The following ABCC4 variants were observed in gnomAD, a reference collection of about 807,000 sequenced individuals.
The protein encoded by ABCC4 is ATP-binding cassette sub-family C member 4.
ABCC4 carries 102 observed loss-of-function variants against 168.5 expected under a neutral mutation model. That is an observed-to-expected ratio of 0.61 (90% CI 0.52 to 0.71). The LOEUF (loss-of-function observed/expected upper bound fraction) is 0.71. Ranked by LOEUF, ABCC4 falls within the 30% of genes least tolerant of loss-of-function variation. The probability of loss-of-function intolerance (pLI) is 0.00; values close to 1 mark genes in which losing one functional copy is unlikely to be tolerated. For missense variants in ABCC4, 1,402 were observed against 1,605.8 expected, an observed-to-expected ratio of 0.87 and a Z score of 2.17; for synonymous variants, 617 against 590.7, an observed-to-expected ratio of 1.04 and a Z score of -0.65.
chr13:95,167,461 G>A (rs571421296), intron 14 of ABCC4, among the ~76,000 whole-genome samples: 2 of 152,284 alleles, frequency 1.3e-5, no homozygotes, highest in South Asian at 4.1e-4. Flanking sequence ...AGGCAAGTCA[G>A]GTGGGGGAAG....
chr13:95,150,986 T>C (rs1331877321), intron 19 of ABCC4, among the ~76,000 whole-genome samples: 1 of 152,230 alleles, frequency 6.6e-6, no homozygotes, highest in Non-Finnish European at 1.5e-5. Context: ...ACAATTGGTT[T>C]TGAAGTGCCA....
rs1167316358 is a variant in ABCC4 at position 95,020,524 on chromosome 13, G to A, written c.*1051C>T. On this transcript the variant is annotated 3_prime_UTR_variant, in exon 31 of 31. Coordinates refer to ENST00000645237, the MANE Select transcript of ABCC4 (RefSeq NM_005845.5). ...ATGACAATGCTATTAGTGGTCAGGAGTAAACTAACCTGGACAGGCTCATGA... is the reference window on the plus strand; with the variant it reads ...ATGACAATGCTATTAGTGGTCAGGAATAAACTAACCTGGACAGGCTCATGA... 6.6e-6 allele frequency: 1 copy of A among 152,468 alleles called. No individual in the cohort carries two copies. The highest frequency in any genetic ancestry group is 1.9e-4 in the East Asian group (1 of 5,196). 9.4% of individuals were successfully genotyped at this position (152,468 alleles called of 1,614,324 possible).
intron 1 of ABCC4, among the ~76,000 whole-genome samples, chr13:95,293,719 C>A (rs1211493618): frequency 6.6e-6 from 1 of 151,718 alleles, no homozygotes; most frequent in Non-Finnish European, 1.5e-5. Context: ...CCTGCCTCGG[C>A]CTCCCAAAGT....
chr13:95,296,438 T>C (rs1327325478), intron 1 of ABCC4, among the ~76,000 whole-genome samples: 1 of 152,152 alleles, frequency 6.6e-6, no homozygotes, highest in Non-Finnish European at 1.5e-5. Context: ...CAGCCACTTG[T>C]GTTTGCTTCT....
chr13:95,281,789 T>A (rs1405638039), intron 1 of ABCC4, among the ~76,000 whole-genome samples: 1 of 151,744 alleles, frequency 6.6e-6, no homozygotes, highest in East Asian at 1.9e-4. Flanking sequence ...TGTAATATAG[T>A]CTGCTCAGGC....
chr13:95,037,259 C>T (rs576137581), intron 29 of ABCC4, among the ~76,000 whole-genome samples: 280 of 152,048 alleles, frequency 1.8e-3, no homozygotes, highest in Non-Finnish European at 3.4e-3. Flanking sequence ...ATGAAAGCAC[C>T]CCATAACTAA....
At chr13:95,089,391 G>A (rs1330830997) in intron 20 of ABCC4, among the ~76,000 whole-genome samples, 1 of 152,136 alleles carries the variant, frequency 6.6e-6, no homozygotes, top group Non-Finnish European at 1.5e-5. Context: ...AGGCCAAGGA[G>A]GGCGGATCAC....
In ABCC4 at chr13:95,207,876, C is replaced by G; in HGVS notation, c.835G>C (p.Val279Leu). 6.2e-7 allele frequency: 1 copy of G among 1,613,782 alleles called. No homozygotes were observed. Among genetic ancestry groups the G allele is most frequent in the Non-Finnish European group, 8.5e-7 (1 of 1,179,936 alleles). Reference protein sequence around the residue: ...TDARIRTMNEVITGIRIIKMY... With the variant: ...TDARIRTMNELITGIRIIKMY... ...TTTATTATCCTTATACCAGTTATAACTTCATTCATGGTCCTGATCCTGGCA... is the reference window on the plus strand; with the variant it reads ...TTTATTATCCTTATACCAGTTATAAGTTCATTCATGGTCCTGATCCTGGCA... Residue 279 changes from valine to leucine, a missense_variant, in exon 7 of 31, where the codon GTT (valine) becomes CTT (leucine). Around this residue, in one of 3 missense-constraint regions of ABCC4, gnomAD observed 317 missense variants for 345.5 expected, o/e 0.92. Coordinates refer to ENST00000645237, the MANE Select transcript of ABCC4 (RefSeq NM_005845.5).
At chr13:95,119,349 T>A (rs1050743149) in intron 19 of ABCC4, among the ~76,000 whole-genome samples, 1 of 152,180 alleles carries the variant, frequency 6.6e-6, no homozygotes, top group Non-Finnish European at 1.5e-5. Context: ...CAATGTGGCA[T>A]TATTTGGTAA....
chr13:95,233,181 T>A (rs1374483461), intron 4 of ABCC4, among the ~76,000 whole-genome samples: 2 of 152,150 alleles, frequency 1.3e-5, no homozygotes, highest in African/African-American at 4.8e-5. Context: ...TGCAATTAAA[T>A]AATGTACACT....
At chr13:95,038,347 A>G (rs2032209128) in intron 29 of ABCC4, among the ~76,000 whole-genome samples, 1 of 135,758 alleles carries the variant, frequency 7.4e-6, no homozygotes, top group South Asian at 2.4e-4. Flanking sequence ...GGTAAGTCCC[A>G]GCCCCTGCTT....
At chr13:95,141,353 G>A (rs892213216) in intron 19 of ABCC4, among the ~76,000 whole-genome samples, 11 of 152,046 alleles carry the variant, frequency 7.2e-5, no homozygotes, top group Admixed American at 2.0e-4. Flanking sequence ...TTCTCTTTTT[G>A]TCTAGATGCA....
chr13:95,113,112 C>A (rs149685021), intron 20 of ABCC4, among the ~76,000 whole-genome samples: 3 of 152,280 alleles, frequency 2.0e-5, no homozygotes, highest in Non-Finnish European at 2.9e-5. Flanking sequence ...ACCCCACTGG[C>A]TCTAGAAATA....
intron 20 of ABCC4, 97 bp from the exon 21 acceptor site, chr13:95,083,387 A>G: frequency 7.0e-7 from 1 of 1,422,050 alleles, no homozygotes; most frequent in Non-Finnish European, 9.5e-7. Flanking sequence ...CTTTCTCTGA[A>G]AGACTTATTG....
intron 19 of ABCC4, among the ~76,000 whole-genome samples, chr13:95,123,055 T>C (rs1366379137): frequency 6.6e-6 from 1 of 152,262 alleles, no homozygotes; most frequent in Non-Finnish European, 1.5e-5. Context: ...TTCCATTTTC[T>C]AATCAGATCC....
intron 26 of ABCC4, chr13:95,053,895 T>C (rs985672732): frequency 2.7e-5 from 4 of 148,154 alleles, no homozygotes; most frequent in African/African-American, 7.5e-5. Flanking sequence ...GAGAATCGCT[T>C]GAATCCAGGA....
At chr13:95,125,060 C>T (rs2035711099) in intron 19 of ABCC4, among the ~76,000 whole-genome samples, 1 of 152,024 alleles carries the variant, frequency 6.6e-6, no homozygotes. Context: ...CACCTCAAAA[C>T]TATGACACAG....
intron 29 of ABCC4, among the ~76,000 whole-genome samples, chr13:95,042,134 A>T (rs1479791437): frequency 6.6e-6 from 1 of 152,144 alleles, no homozygotes; most frequent in African/African-American, 2.4e-5. Flanking sequence ...ATGCAAGGTC[A>T]TCTCAACAGT....
Position 95,043,791 on chromosome 13 carries a change from C to T in ABCC4, c.3630-4G>A. 1 of 1,605,074 alleles carries T rather than the reference C, an allele frequency of 6.2e-7. No homozygotes were observed. The highest frequency in any genetic ancestry group is 8.5e-7 in the Non-Finnish European group (1 of 1,172,898). On this transcript the variant is annotated splice_polypyrimidine_tract_variant and splice_region_variant and intron_variant, in intron 28 of 30. Transcript: ENST00000645237. ...TTTTTGTATTAACTCATCAGTTCTG[C>T]AATCAAAGAAGTTAAGTTTAATTTC... is the stretch of plus-strand genomic sequence containing the variant.
Sources: allele counts gnomAD v4.1 joint callset (sites outside exome capture counted in the v4.1 genomes callset), GRCh38; gene constraint gnomAD v4.1.1; regional missense constraint gnomAD v4.1.1; transcripts MANE v1.5; gene names NCBI Gene and HGNC (gene_info 2026-07-23, HGNC 2026-07-21).